ROBO2: variants seen among roughly 807,000 people sequenced by gnomAD.
ROBO2 encodes the protein roundabout homolog 2.
Under a neutral mutation model 160.8 loss-of-function variants are expected in ROBO2, and 53 were observed. That is an observed-to-expected ratio of 0.33 (90% CI 0.26 to 0.41). The LOEUF (loss-of-function observed/expected upper bound fraction) is 0.41, where lower values mean the gene tolerates loss of function less well. Among genes scored for constraint, ROBO2 ranks in the 10% least tolerant of loss-of-function variants. The probability of loss-of-function intolerance (pLI) is 1.00; values close to 1 mark genes in which losing one functional copy is unlikely to be tolerated. For missense variants in ROBO2, 1,577 were observed against 1,722.4 expected (o/e 0.92, Z 1.49); for synonymous variants, 664 against 611.7 (o/e 1.09, Z -1.26).
intron 2 of ROBO2, among the ~76,000 whole-genome samples, chr3:76,186,238 A>G (rs566872553): frequency 4.5e-4 from 69 of 152,106 alleles, no homozygotes; most frequent in African/African-American, 1.6e-3. Flanking sequence ...TGACCCACAG[A>G]TATTTAATAA....
chr3:75,981,163 G>GT (rs1453506368), intron 2 of ROBO2, among the ~76,000 whole-genome samples: 2 of 151,468 alleles, frequency 1.3e-5, no homozygotes, highest in African/African-American at 2.4e-5. Flanking sequence ...GGGCCCATGT[G>GT]TTTTTTCAGC....
chr3:77,007,371 C>G (rs1366183631), intron 2 of ROBO2, among the ~76,000 whole-genome samples: 1 of 152,032 alleles, frequency 6.6e-6, no homozygotes, highest in East Asian at 1.9e-4. Flanking sequence ...CAAATCTTCA[C>G]TGTGTAAGAT....
intron 2 of ROBO2, among the ~76,000 whole-genome samples, chr3:77,182,205 C>G (rs1385247957): frequency 6.6e-6 from 1 of 152,050 alleles, no homozygotes; most frequent in Non-Finnish European, 1.5e-5. Context: ...ACAGTTGGGA[C>G]TGAATATTTG....
intron 2 of ROBO2, among the ~76,000 whole-genome samples, chr3:76,680,462 A>G (rs2092530639): frequency 6.6e-6 from 1 of 151,860 alleles, no homozygotes; most frequent in Non-Finnish European, 1.5e-5. Context: ...TTAACTCCTA[A>G]CATTGCTGAT....
intron 2 of ROBO2, among the ~76,000 whole-genome samples, chr3:77,360,442 A>G (rs2069791007): frequency 6.6e-6 from 1 of 152,122 alleles, no homozygotes; most frequent in South Asian, 2.1e-4. Flanking sequence ...GAGGTAATTG[A>G]AGTCAATGAA....
chr3:77,307,163 A>G (rs1472960977), intron 2 of ROBO2, among the ~76,000 whole-genome samples: 1 of 152,174 alleles, frequency 6.6e-6, no homozygotes, highest in Non-Finnish European at 1.5e-5. Context: ...AGTGCCTCCT[A>G]CATGCATCCT....
intron 2 of ROBO2, among the ~76,000 whole-genome samples, chr3:76,580,317 G>GTTTTTTTTTTTTTTTTTTTTTTTT (rs1329634324): frequency 5.1e-5 from 2 of 38,846 alleles, no homozygotes; most frequent in Non-Finnish European, 1.4e-4. Context: ...CCCAACCCCT[G>GTTTTTTTTTTTTTTTTTTTTTTTT]TTTTTTTTTT....
intron 2 of ROBO2, among the ~76,000 whole-genome samples, chr3:77,473,577 C>T (rs2083617205): frequency 6.6e-6 from 1 of 150,706 alleles, no homozygotes; most frequent in African/African-American, 2.4e-5. Context: ...CCTCAGCCTC[C>T]CGAGTAGCTG....
intron 2 of ROBO2, among the ~76,000 whole-genome samples, chr3:76,473,232 T>A (rs186236546): frequency 6.6e-6 from 1 of 152,290 alleles, no homozygotes; most frequent in East Asian, 1.9e-4. Context: ...CTCCTCATAT[T>A]CTATTTCTGC....
chr3:76,636,122 A>AT, intron 2 of ROBO2, among the ~76,000 whole-genome samples: 1 of 152,202 alleles, frequency 6.6e-6, no homozygotes, highest in Non-Finnish European at 1.5e-5. Flanking sequence ...TATACATAAT[A>AT]TTATGTATTT....
At chr3:76,966,717 T>C (rs2059313871) in intron 2 of ROBO2, among the ~76,000 whole-genome samples, 1 of 152,212 alleles carries the variant, frequency 6.6e-6, no homozygotes, top group Admixed American at 6.5e-5. Flanking sequence ...ATTGCTATTC[T>C]CACCTATGAA....
chr3:77,172,932 G>A (rs1286337608), intron 2 of ROBO2, among the ~76,000 whole-genome samples: 1 of 152,142 alleles, frequency 6.6e-6, no homozygotes, highest in Admixed American at 6.6e-5. Context: ...CAGAACTGAA[G>A]TATTTATCCC....
chr3:76,505,810 C>T lies in ROBO2; in HGVS notation c.109+568208C>T, dbSNP rs13321706. 9.8e-3 allele frequency among the ~76,000 whole-genome samples: 1,498 copies of T among 152,272 alleles called. 20 individuals carry two copies. The highest frequency in any genetic ancestry group is 0.031 in the African/African-American group (1,288 of 41,546). ...CTGTTGCCTTAGGCTACCCATTTTA[C>T]GGCTTTTTGTTACTGTCCCCCAGGA... On this transcript the variant is annotated intron_variant, in intron 2 of 26. Coordinates refer to the ROBO2 transcript ENST00000487694.
At chr3:76,569,413 A>G (rs2084817903) in intron 2 of ROBO2, among the ~76,000 whole-genome samples, 1 of 152,218 alleles carries the variant, frequency 6.6e-6, no homozygotes, top group Admixed American at 6.5e-5. Context: ...ATTGAGATCA[A>G]GGCTTGTCGC....
At chr3:77,033,220 CT>C (rs2063430292) in intron 2 of ROBO2, among the ~76,000 whole-genome samples, 1 of 152,086 alleles carries the variant, frequency 6.6e-6, no homozygotes, top group Admixed American at 6.6e-5. Context: ...CTATTGTGTC[CT>C]TATTTAGGAA....
intron 2 of ROBO2, among the ~76,000 whole-genome samples, chr3:76,955,087 T>C (rs1256652497): frequency 2.0e-5 from 3 of 152,212 alleles, no homozygotes; most frequent in African/African-American, 7.2e-5. Flanking sequence ...CGAATTTGAC[T>C]ATTCTAGATA....
rs76261344 is a variant in ROBO2 at position 77,361,781 on chromosome 3, A to G, written c.389-115633A>G. On this transcript the variant is annotated intron_variant, in intron 2 of 25. Transcript: ENST00000461745. ...TTTCCAACTGGAATTTTGGAGGGAC[A>G]TGAACATTCAGACTGTAGTATTATC... Among the ~76,000 whole-genome samples the G allele has an allele frequency of 1.3e-3, 192 of 152,304 alleles. 5 individuals are homozygous for G. In the East Asian group the frequency reaches 0.036, roughly 28 times the overall value.
chr3:76,888,712 C>T (rs2074109230), intron 2 of ROBO2, among the ~76,000 whole-genome samples: 1 of 152,064 alleles, frequency 6.6e-6, no homozygotes, highest in African/African-American at 2.4e-5. Context: ...TTTAAAAATG[C>T]CTCGGATTAT....
chr3:76,967,092 T>C (rs1160426491), intron 2 of ROBO2, among the ~76,000 whole-genome samples: 1 of 152,190 alleles, frequency 6.6e-6, no homozygotes, highest in Non-Finnish European at 1.5e-5. Context: ...AAGGTGCTAC[T>C]ATTGAACCTG....
Sources: gnomAD v4.1 joint callset for allele counts (sites outside exome capture counted in the v4.1 genomes callset) on GRCh38, gnomAD v4.1.1 for gene constraint, MANE v1.5 for transcripts, NCBI Gene and HGNC (gene_info 2026-07-23, HGNC 2026-07-21) for gene names.